The following PSMA4 variants were observed in gnomAD, a reference collection of about 807,000 sequenced individuals.
The protein encoded by PSMA4 is proteasome subunit alpha type-4.
PSMA4 carries 8 observed loss-of-function variants against 37.2 expected under a neutral mutation model. The ratio of observed to expected loss-of-function variants is 0.22; its 90% CI spans 0.13 to 0.39. The LOEUF is 0.39. Ranked by LOEUF, PSMA4 falls within the 10% of genes least tolerant of loss-of-function variation. PSMA4 has a pLI of 1.00. For synonymous variants in PSMA4, 93 were observed against 98.8 expected, an observed-to-expected ratio of 0.94 and a Z score of 0.35; for missense variants, 169 against 305.1, an observed-to-expected ratio of 0.55 and a Z score of 3.32.
rs966497109 is a variant in PSMA4, at chr15:78,551,725, T to A, written c.*2781T>A. 1 of 152,108 alleles carries A rather than the reference T, an allele frequency of 6.6e-6. No individual in the cohort carries two copies. Among genetic ancestry groups the A allele is most frequent in the African/African-American group, 2.4e-5 (1 of 41,408 alleles). The allele number at this position is 152,108 out of a possible 1,614,324, so 9.4% of individuals were successfully genotyped here. A position where few individuals can be genotyped will look rare whatever the true frequency, so the allele number is the denominator to read the frequency against. ...CAACAAATAAGTACTGATGAATGAA[T>A]AAATACCCTGGATATGCTGGTGTGA... On this transcript the variant is annotated 3_prime_UTR_variant, in exon 9 of 9. Coordinates refer to ENST00000044462, the MANE Select transcript of PSMA4 (RefSeq NM_002789.6).
Position 78,546,664 on chromosome 15 carries a change from G to A in PSMA4, c.597G>A (p.Lys199=), listed in dbSNP as rs2052558786. Residue 199 remains lysine, a synonymous_variant, in exon 8 of 9, where the codon AAG becomes AAA. Transcript: ENST00000044462. ...CTTTAGCTATCAAAGTACTAAATAA[G>A]ACCATGGATGTTAGTAAACTCTCTG... ...ALALAIKVLN[K]TMDVSKLSAE... The A allele has an allele frequency of 1.9e-6, 3 of 1,602,364 alleles. No homozygotes were observed. In the South Asian group the frequency reaches 3.4e-5, roughly 18 times the overall value.
chr15:78,549,076 C>G lies in PSMA4; in HGVS notation c.*132C>G. 1 of 1,291,010 alleles carries G rather than the reference C, an allele frequency of 7.7e-7. No homozygotes were observed. Among genetic ancestry groups the G allele is most frequent in the Non-Finnish European group, 1.0e-6 (1 of 998,920 alleles). 80.0% of individuals were successfully genotyped at this position (1,291,010 alleles called of 1,614,324 possible). A position where few individuals can be genotyped will look rare whatever the true frequency, so the allele number is the denominator to read the frequency against. ...TAGGACATTACATACTGAATTGGGT[C>G]CTTGTCATTTCTGTCCAATTGAATA... On this transcript the variant is annotated 3_prime_UTR_variant, in exon 9 of 9. Coordinates refer to ENST00000044462, the MANE Select transcript of PSMA4 (RefSeq NM_002789.6).
Position 78,545,761 on chromosome 15 carries a change from C to G in PSMA4, c.504C>G (p.Ser168Arg). 6.2e-7 allele frequency: 1 copy of G among 1,613,456 alleles called. No homozygotes were observed. Among genetic ancestry groups the G allele is most frequent in the Non-Finnish European group, 8.5e-7 (1 of 1,179,728 alleles). Residue 168 changes from serine (S) to arginine (R), a missense_variant, in exon 7 of 9, where the codon AGC (serine) becomes AGG (arginine). Physicochemically the swap from Ser to Arg is moderately radical, Grantham distance 110 (BLOSUM62 -1). Coordinates refer to ENST00000044462, the MANE Select transcript of PSMA4 (RefSeq NM_002789.6). The stretch of plus-strand genomic sequence containing the variant: ...AGGCCACATGCATTGGAAATAATAG[C>G]GCTGTGAGTATTTTTGTTGTGCTAT... ...GWKATCIGNN[S>R]AAAVSMLKQD... is the part of the protein sequence containing the mutation.
chr15:78,549,048 A>G lies in PSMA4; in HGVS notation c.*104A>G. 1 of 1,425,002 alleles carries G rather than the reference A, an allele frequency of 7.0e-7. No homozygotes were observed. Among genetic ancestry groups the G allele is most frequent in the South Asian group, 1.7e-5 (1 of 59,108 alleles). 88.3% of individuals were successfully genotyped at this position (1,425,002 alleles called of 1,614,324 possible). A position where few individuals can be genotyped will look rare whatever the true frequency, so the allele number is the denominator to read the frequency against. On this transcript the variant is annotated 3_prime_UTR_variant, in exon 9 of 9. Coordinates refer to ENST00000044462, the MANE Select transcript of PSMA4 (RefSeq NM_002789.6). ...ACTTTTTTTAACTGGTGCAGTGGGAAAATAGGACATTACATACTGAATTGG... is the reference window on the plus strand; with the variant it reads ...ACTTTTTTTAACTGGTGCAGTGGGAGAATAGGACATTACATACTGAATTGG...
chr15:78,546,201 T>C (rs1045455065), intron 7 of PSMA4, among the ~76,000 whole-genome samples: 1 of 152,146 alleles, frequency 6.6e-6, no homozygotes, highest in Admixed American at 6.5e-5. Context: ...CCCAACACTT[T>C]GGGAGGCCGA....
intron 3 of PSMA4, 22 bp downstream of exon 3, chr15:78,542,241 C>G: frequency 6.3e-7 from 1 of 1,578,822 alleles, no homozygotes; most frequent in African/African-American, 1.4e-5. Context: ...ATTGTTTAAT[C>G]TGCCTCAAGT....
chr15:78,548,946 A>G lies in PSMA4; in HGVS notation c.*2A>G, dbSNP rs756275501. On this transcript the variant is annotated 3_prime_UTR_variant, in exon 9 of 9. Coordinates refer to ENST00000044462, the MANE Select transcript of PSMA4 (RefSeq NM_002789.6). ...GAACAGAAAGAAAAGGATAAATAGA[A>G]TCAGAGATTTTATTACTCATTTGGG... 6.2e-7 allele frequency: 1 copy of G among 1,600,936 alleles called. No individual in the cohort carries two copies. Among genetic ancestry groups the G allele is most frequent in the Admixed American group, 1.7e-5 (1 of 57,316 alleles).
intron 8 of PSMA4, 37 bp from the exon 9 acceptor site, chr15:78,548,753 G>A (rs753334026): frequency 3.8e-6 from 6 of 1,584,504 alleles, no homozygotes; most frequent in Non-Finnish European, 8.6e-7. Context: ...ATGCCTGCCT[G>A]CCTGCAATAC....
In PSMA4 at chr15:78,545,725, C is replaced by T. The variant is rs377378619; in HGVS notation, c.468C>T (p.Tyr156=). 131 of 1,613,732 alleles carry T rather than the reference C, an allele frequency of 8.1e-5. No homozygotes were observed. Among genetic ancestry groups the T allele is most frequent in the Admixed American group, 1.5e-4 (9 of 59,980 alleles). ...QLYQSDPSGN[Y]GGWKATCIGN... Reference sequence around the variant, plus strand: ...ATCAGAGTGACCCTAGTGGAAATTACGGGGGATGGAAGGCCACATGCATTG... The same window carrying T: ...ATCAGAGTGACCCTAGTGGAAATTATGGGGGATGGAAGGCCACATGCATTG... The change falls in exon 7 of 9, where the codon TAC becomes TAT. Residue 156 remains tyrosine (Y), a synonymous_variant. Transcript: ENST00000044462.
In PSMA4 at chr15:78,546,630, C is replaced by T. The variant is rs1287829812; in HGVS notation, c.563C>T (p.Ser188Leu). The change falls in exon 8 of 9, where the codon TCA (serine) becomes TTA (leucine). Residue 188 changes from serine (S) to leucine (L), a missense_variant. Physicochemically the swap from Ser to Leu is moderately radical, Grantham distance 145. Around this residue, in one of 2 missense-constraint regions of PSMA4, gnomAD observed 90 missense variants for 92.7 expected, o/e 0.97. Transcript: ENST00000044462. ...AAAGAAGGAGAAATGACCTTGAAGTCAGCACTTGCTTTAGCTATCAAAGTA... is the reference window on the plus strand; with the variant it reads ...AAAGAAGGAGAAATGACCTTGAAGTTAGCACTTGCTTTAGCTATCAAAGTA... ...DYKEGEMTLK[S>L]ALALAIKVLN... 2.5e-6 allele frequency: 4 copies of T among 1,604,130 alleles called. No homozygotes were observed. Among genetic ancestry groups the T allele is most frequent in the Non-Finnish European group, 3.4e-6 (4 of 1,176,764 alleles).
intron 1 of PSMA4, 189 bp from the exon 2 acceptor site, chr15:78,541,716 C>G: frequency 1.7e-6 from 1 of 581,206 alleles, no homozygotes; most frequent in South Asian, 2.1e-5. Context: ...GACTGCCTCT[C>G]TCACCTAACT....
At position 78,544,171 on chromosome 15, in the gene PSMA4, A is replaced by G. The variant is rs773253659; in HGVS notation, c.210-19A>G. On this transcript the variant is annotated intron_variant, in intron 4 of 8. Coordinates refer to ENST00000044462, the MANE Select transcript of PSMA4 (RefSeq NM_002789.6). ...AAGCATCTTCCCTGCTTACAGATCA[A>G]TGTCTTTTTTTCTTCAAGGGACATG... 22 of 1,592,216 alleles carry G rather than the reference A, an allele frequency of 1.4e-5. No individual in the cohort carries two copies. The highest frequency in any genetic ancestry group is 2.2e-5 in the East Asian group (1 of 44,756).
At position 78,549,132 on chromosome 15, in the gene PSMA4, TGGA is replaced by T; in HGVS notation, c.*189_*191del. 4.4e-6 allele frequency: 4 copies of T among 905,690 alleles called. No homozygotes were observed. The highest frequency in any genetic ancestry group is 4.3e-6 in the Non-Finnish European group (3 of 690,290). 56.1% of individuals were successfully genotyped at this position (905,690 alleles called of 1,614,324 possible). ...TTGTAACGATGATGGTTACCCTTCA[TGGA>T]CGTCTTAATCTTCCACACACATCCC... On this transcript the variant is annotated 3_prime_UTR_variant, in exon 9 of 9. Coordinates refer to ENST00000044462, the MANE Select transcript of PSMA4 (RefSeq NM_002789.6).
chr15:78,545,793 T>C, intron 7 of PSMA4, 29 bp downstream of exon 7: 1 of 1,609,700 alleles, frequency 6.2e-7, no homozygotes, highest in African/African-American at 1.3e-5. Context: ...CTATAAAATC[T>C]AGCAGAATGT....
chr15:78,542,710 T>A, intron 4 of PSMA4, 65 bp downstream of exon 4: 1 of 1,459,602 alleles, frequency 6.9e-7, no homozygotes, highest in Non-Finnish European at 9.3e-7. Flanking sequence ...GGGATCTATG[T>A]AATTTGGGAG....
intron 4 of PSMA4, 52 bp from the exon 5 acceptor site, chr15:78,544,138 C>G (rs757723214): frequency 1.8e-5 from 25 of 1,359,478 alleles, no homozygotes; most frequent in Non-Finnish European, 2.5e-5. Context: ...CTTATAAACA[C>G]TCCTTGCAAG....
chr15:78,542,743 G>C (rs1410162413), intron 4 of PSMA4, 98 bp downstream of exon 4: 5 of 1,187,236 alleles, frequency 4.2e-6, no homozygotes, highest in Non-Finnish European at 1.2e-6. Flanking sequence ...CGATGTGGTA[G>C]AATTGAAATT....
Position 78,542,640 on chromosome 15 carries a change from C to T in PSMA4, c.204C>T (p.Leu68=). 6.2e-7 allele frequency: 1 copy of T among 1,604,522 alleles called. No homozygotes were observed. The change falls in exon 4 of 9, where the codon CTC becomes CTT. Residue 68 remains leucine, a synonymous_variant. Coordinates refer to ENST00000044462, the MANE Select transcript of PSMA4 (RefSeq NM_002789.6). ...EVFFSEKIYK[L]NEDMACSVAG... ...TTTTTTCTGAAAAAATTTATAAACT[C>T]AATGAGTAAGTGAGATTTTAGGAAA...
intron 1 of PSMA4, chr15:78,540,821 G>C (rs2052434879): frequency 6.6e-6 from 1 of 152,298 alleles, no homozygotes; most frequent in African/African-American, 2.4e-5. Flanking sequence ...GGTGGCTTCC[G>C]TCCTCAGGAG....
Sources: gnomAD v4.1 joint callset for allele counts (sites outside exome capture counted in the v4.1 genomes callset) on GRCh38, gnomAD v4.1.1 for gene constraint, gnomAD v4.1.1 regional missense constraint, MANE v1.5 for transcripts, NCBI Gene and HGNC (gene_info 2026-07-23, HGNC 2026-07-21) for gene names.